Variants in NPAS3 observed in about 807,000 individuals in gnomAD.
NPAS3 encodes neuronal PAS domain protein 3.
Under a neutral mutation model 73.1 loss-of-function variants are expected in NPAS3, and 14 were observed. The ratio of observed to expected loss-of-function variants is 0.19; its 90% CI spans 0.13 to 0.30. The LOEUF (loss-of-function observed/expected upper bound fraction) is 0.30. NPAS3 is among the 10% of genes least tolerant of loss of function. The pLI is 1.00. For missense variants in NPAS3, 1,096 were observed against 1,250.0 expected, an observed-to-expected ratio of 0.88 and a Z score of 1.86; for synonymous variants, 620 against 541.5, an observed-to-expected ratio of 1.14 and a Z score of -2.01.
intron 3 of NPAS3, among the ~76,000 whole-genome samples, chr14:33,289,356 CAT>C (rs1192688554): frequency 6.6e-6 from 1 of 152,112 alleles, no homozygotes; most frequent in Non-Finnish European, 1.5e-5. Context: ...ATCACACACA[CAT>C]ATAAAATTTG....
chr14:33,664,318 G>A (rs1189648021), intron 5 of NPAS3, among the ~76,000 whole-genome samples: 11 of 152,160 alleles, frequency 7.2e-5, no homozygotes, highest in Admixed American at 6.5e-4. Flanking sequence ...CTAGCCATAT[G>A]CAGAAAACTG....
intron 1 of NPAS3, among the ~76,000 whole-genome samples, chr14:32,972,351 A>T (rs2037470946): frequency 6.6e-6 from 1 of 152,204 alleles, no homozygotes; most frequent in African/African-American, 2.4e-5. Context: ...AAGCCTTATT[A>T]AGGAATGAAT....
intron 4 of NPAS3, among the ~76,000 whole-genome samples, chr14:33,558,299 T>C (rs2139739503): frequency 1.3e-5 from 2 of 152,192 alleles, no homozygotes; most frequent in East Asian, 3.9e-4. Context: ...CTTGCTCTGT[T>C]GTCCAGGCTG....
intron 3 of NPAS3, among the ~76,000 whole-genome samples, chr14:33,317,123 T>C (rs1007080059): frequency 1.3e-5 from 2 of 151,976 alleles, no homozygotes; most frequent in African/African-American, 2.4e-5. Flanking sequence ...GAAAACATAA[T>C]AATGGGGAGC....
chr14:33,746,666 G>A (rs532979559), intron 7 of NPAS3, among the ~76,000 whole-genome samples: 139 of 152,132 alleles, frequency 9.1e-4, no homozygotes, highest in Non-Finnish European at 1.7e-3. Flanking sequence ...CTCTCATTCT[G>A]CAAGAGAAAT....
At chr14:33,734,872 C>T (rs192855497) in intron 6 of NPAS3, among the ~76,000 whole-genome samples, 25 of 152,186 alleles carry the variant, frequency 1.6e-4, no homozygotes, top group Admixed American at 1.4e-3. Context: ...CATAAATCTA[C>T]GGGTCCTTGT....
intron 4 of NPAS3, among the ~76,000 whole-genome samples, chr14:33,378,373 C>T (rs567318574): frequency 7.2e-5 from 11 of 152,298 alleles, no homozygotes; most frequent in South Asian, 2.1e-4. Context: ...ACCTCCTTCA[C>T]TCATCACACC....
chr14:33,608,662 T>G (rs2057654525), intron 5 of NPAS3: 1 of 152,074 alleles, frequency 6.6e-6, no homozygotes, highest in Non-Finnish European at 1.5e-5. Flanking sequence ...TTTTTTTAAG[T>G]TTAGGGCTAC....
chr14:33,666,197 C>A (rs890208728), intron 5 of NPAS3, among the ~76,000 whole-genome samples: 1 of 152,160 alleles, frequency 6.6e-6, no homozygotes, highest in Admixed American at 6.5e-5. Context: ...TGAGCCTCTG[C>A]CTAATGCTTC....
intron 4 of NPAS3, among the ~76,000 whole-genome samples, chr14:33,418,110 G>A (rs2048225409): frequency 6.6e-6 from 1 of 151,686 alleles, no homozygotes; most frequent in South Asian, 2.1e-4. Flanking sequence ...AACCAAGGAA[G>A]CTGATACTTA....
intron 3 of NPAS3, among the ~76,000 whole-genome samples, chr14:33,308,510 T>TTTTATATATATATATATA (rs374327824): frequency 2.4e-5 from 2 of 83,518 alleles, no homozygotes; most frequent in African/African-American, 1.2e-4. Context: ...ATTGCATAGT[T>TTTTATATATATATATATA]TATATATATA....
chr14:33,346,157 A>G (rs1038306905), intron 3 of NPAS3, among the ~76,000 whole-genome samples: 12 of 151,486 alleles, frequency 7.9e-5, no homozygotes, highest in African/African-American at 2.9e-4. Context: ...CCCGGGAGGC[A>G]GAGGTTGCAG....
At chr14:33,008,435 G>C (rs547041323) in intron 1 of NPAS3, among the ~76,000 whole-genome samples, 2 of 152,248 alleles carry the variant, frequency 1.3e-5, no homozygotes, top group Non-Finnish European at 1.5e-5. Flanking sequence ...GAAGCTATAG[G>C]GGAGTGCATA....
intron 2 of NPAS3, among the ~76,000 whole-genome samples, chr14:33,065,967 T>C (rs1307028038): frequency 6.6e-6 from 1 of 152,094 alleles, no homozygotes; most frequent in African/African-American, 2.4e-5. Context: ...AGGAGTAAAA[T>C]TGAATGAGCA....
chr14:33,165,977 T>A (rs1221326693), intron 2 of NPAS3, among the ~76,000 whole-genome samples: 1 of 152,212 alleles, frequency 6.6e-6, no homozygotes, highest in Non-Finnish European at 1.5e-5. Context: ...CTGCCTTCTT[T>A]AGCCACGCTC....
At chr14:32,965,949 C>A (rs2037135991) in intron 1 of NPAS3, among the ~76,000 whole-genome samples, 1 of 152,006 alleles carries the variant, frequency 6.6e-6, no homozygotes, top group African/African-American at 2.4e-5. Flanking sequence ...AGAAATCAAT[C>A]ACGTTTACAA....
intron 3 of NPAS3, among the ~76,000 whole-genome samples, chr14:33,234,027 G>T (rs548873801): frequency 6.6e-6 from 1 of 152,032 alleles, no homozygotes; most frequent in Non-Finnish European, 1.5e-5. Flanking sequence ...GATAAAGCAC[G>T]AGTGGAAAAG....
chr14:33,583,970 G>A (rs547180453), intron 5 of NPAS3, among the ~76,000 whole-genome samples: 3 of 151,938 alleles, frequency 2.0e-5, no homozygotes, highest in African/African-American at 4.8e-5. Flanking sequence ...TTTGGATGAG[G>A]GAAAATCACT....
chr14:33,120,314 A>G lies in NPAS3; in HGVS notation c.140+64320A>G, dbSNP rs73268677. ...CATAAATCTGAAAATGAACTTTGAT[A>G]CGATTACCGGAACCAACTAGAGATT... On this transcript the variant is annotated intron_variant, in intron 2 of 11. Coordinates refer to ENST00000356141, the Ensembl canonical transcript of NPAS3. Among the ~76,000 whole-genome samples the G allele has an allele frequency of 8.4e-3, 1,278 of 152,232 alleles. 20 individuals are homozygous for G. The highest frequency in any genetic ancestry group is 0.029 in the African/African-American group (1,220 of 41,550).
Sources: allele counts gnomAD v4.1 joint callset (sites outside exome capture counted in the v4.1 genomes callset), GRCh38; gene constraint gnomAD v4.1.1; transcripts MANE v1.5; gene names NCBI Gene and HGNC (gene_info 2026-07-23, HGNC 2026-07-21).